Variants in NCKAP5 observed in about 807,000 individuals in gnomAD.
NCKAP5 encodes the protein nck-associated protein 5.
NCKAP5 carries 92 observed loss-of-function variants against 167.0 expected under a neutral mutation model. The ratio of observed to expected loss-of-function variants is 0.55; its 90% confidence interval spans 0.47 to 0.66. NCKAP5 has a LOEUF of 0.66. Ranked by LOEUF, NCKAP5 falls within the 30% of genes least tolerant of loss-of-function variation. NCKAP5 has a pLI of 0.00. For synonymous variants in NCKAP5, 891 were observed against 877.4 expected, an observed-to-expected ratio of 1.02 and a Z score of -0.27; for missense variants, 2,378 against 2,315.0, an observed-to-expected ratio of 1.03 and a Z score of -0.56.
chr2:132,793,035 A>G (rs1439187737), intron 12 of NCKAP5, among the ~76,000 whole-genome samples: 1 of 151,760 alleles, frequency 6.6e-6, no homozygotes, highest in East Asian at 1.9e-4. Flanking sequence ...ACGGAGTTTC[A>G]CTCTTGTTGC....
intron 5 of NCKAP5, among the ~76,000 whole-genome samples, chr2:133,161,625 G>T (rs562183309): frequency 6.6e-6 from 1 of 152,258 alleles, no homozygotes; most frequent in African/African-American, 2.4e-5. Flanking sequence ...TTATGTGTCA[G>T]CAAGATACTT....
chr2:133,132,386 A>G (rs1221893944), intron 5 of NCKAP5, among the ~76,000 whole-genome samples: 2 of 151,902 alleles, frequency 1.3e-5, no homozygotes, highest in African/African-American at 4.8e-5. Flanking sequence ...TGCCATATCA[A>G]AGAGTCCCAA....
At chr2:133,616,159 G>C in the NCKAP5 span, among the ~76,000 whole-genome samples, 1 of 151,642 alleles carries the variant, frequency 6.6e-6, no homozygotes, top group African/African-American at 2.4e-5. Context: ...GCAGTGTGTA[G>C]AGGGAAATTT....
chr2:133,638,033 G>A, the NCKAP5 span, among the ~76,000 whole-genome samples: 2 of 152,074 alleles, frequency 1.3e-5, no homozygotes, highest in East Asian at 1.9e-4. Flanking sequence ...TTAAGATTCC[G>A]ATGATAGCAG....
intron 4 of NCKAP5, among the ~76,000 whole-genome samples, chr2:133,290,256 AAC>A (rs1679479528): frequency 1.3e-5 from 2 of 152,214 alleles, no homozygotes; most frequent in Admixed American, 6.5e-5. Context: ...TGGAAAAAAA[AAC>A]ACACAATATT....
chr2:133,188,714 T>C (rs2085066559), intron 5 of NCKAP5, among the ~76,000 whole-genome samples: 1 of 151,998 alleles, frequency 6.6e-6, no homozygotes, highest in Non-Finnish European at 1.5e-5. Context: ...AAGGCAGAAA[T>C]AAAGGTGTTC....
intron 4 of NCKAP5, among the ~76,000 whole-genome samples, chr2:133,278,616 A>G (rs2089823694): frequency 6.6e-6 from 1 of 152,128 alleles, no homozygotes; most frequent in Non-Finnish European, 1.5e-5. Flanking sequence ...AAGCATTCTG[A>G]TATGTATTTT....
rs1482032233 is a variant in NCKAP5, at chr2:132,671,970, AG to A, written c.*1318del. 4.6e-5 allele frequency: 7 copies of A among 152,808 alleles called. 1 individual carries two copies. The East Asian group carries it at 1.3e-3, about 29-fold the overall frequency. 9.5% of individuals were successfully genotyped at this position (152,808 alleles called of 1,614,324 possible). On this transcript the variant is annotated 3_prime_UTR_variant, in exon 20 of 20. Coordinates refer to ENST00000409261, the MANE Select transcript of NCKAP5 (RefSeq NM_207363.3). ...CTTTAAAGAAACAATTATGTGCTAA[AG>A]TAGCCATATAGATCCTAAAAATATT...
At chr2:133,258,742 T>C (rs2088754501) in intron 4 of NCKAP5, among the ~76,000 whole-genome samples, 1 of 147,894 alleles carries the variant, frequency 6.8e-6, no homozygotes, top group Admixed American at 6.7e-5. Context: ...CAAGATCCTG[T>C]CTCAATTAAA....
At chr2:132,860,646 T>C (rs778507259) in intron 10 of NCKAP5, 35 bp from the exon 11 acceptor site, 38 of 1,549,778 alleles carry the variant, frequency 2.5e-5, no homozygotes, top group Non-Finnish European at 3.1e-5. Flanking sequence ...AAAAAGTCCA[T>C]AACTGAAAGA....
intron 3 of NCKAP5, among the ~76,000 whole-genome samples, chr2:133,462,547 T>C (rs1264614909): frequency 6.6e-6 from 1 of 152,170 alleles, no homozygotes; most frequent in African/African-American, 2.4e-5. Context: ...AATATACTTT[T>C]ATAAGACAAT....
At chr2:133,053,020 CAT>C (rs1281094000) in intron 6 of NCKAP5, among the ~76,000 whole-genome samples, 2 of 152,004 alleles carry the variant, frequency 1.3e-5, no homozygotes, top group Non-Finnish European at 2.9e-5. Context: ...AGATAAAAAA[CAT>C]AGAAAAGTGG....
intron 5 of NCKAP5, among the ~76,000 whole-genome samples, chr2:133,132,286 C>CAA (rs67605472): frequency 0.15 from 19,612 of 130,926 alleles, 1,623 homozygotes; most frequent in East Asian, 0.39. Flanking sequence ...GACTCCATCT[C>CAA]AAAAAAAAAA....
chr2:132,947,191 T>C (rs933752505), intron 8 of NCKAP5, among the ~76,000 whole-genome samples: 7 of 152,202 alleles, frequency 4.6e-5, no homozygotes, highest in Non-Finnish European at 2.9e-5. Context: ...ATAAGAACGA[T>C]AAACTTTCAG....
At chr2:132,721,403 C>T (rs1689915050) in intron 19 of NCKAP5, among the ~76,000 whole-genome samples, 1 of 152,126 alleles carries the variant, frequency 6.6e-6, no homozygotes, top group African/African-American at 2.4e-5. Flanking sequence ...TCCAATAAGG[C>T]TTCACGATCT....
chr2:132,822,060 G>C (rs1157889276), intron 11 of NCKAP5, among the ~76,000 whole-genome samples: 1 of 152,184 alleles, frequency 6.6e-6, no homozygotes, highest in Non-Finnish European at 1.5e-5. Context: ...CATCTTGGCT[G>C]CTGCTCTCTT....
chr2:133,218,390 T>G (rs899676047), intron 4 of NCKAP5, among the ~76,000 whole-genome samples: 2 of 152,178 alleles, frequency 1.3e-5, no homozygotes, highest in African/African-American at 4.8e-5. Flanking sequence ...ATTTAATCTG[T>G]TATGACAGAA....
At position 133,005,346 on chromosome 2, in the gene NCKAP5, C is replaced by G. The variant is rs540878059; in HGVS notation, c.342-11107G>C. Among the ~76,000 whole-genome samples, 3 of 152,266 alleles carry G rather than the reference C, an allele frequency of 2.0e-5. No homozygotes were observed. In the East Asian group the frequency reaches 5.8e-4, roughly 29 times the overall value. On this transcript the variant is annotated intron_variant, in intron 6 of 19. Coordinates refer to ENST00000409261, the MANE Select transcript of NCKAP5 (RefSeq NM_207363.3). ...TCATGAAATCTTCACAATTTATGTT[C>G]TTCTGCCTCTGCTTCAGCTGGTCCC...
At chr2:132,987,291 T>A (rs947967880) in intron 7 of NCKAP5, among the ~76,000 whole-genome samples, 3 of 152,132 alleles carry the variant, frequency 2.0e-5, no homozygotes, top group Admixed American at 1.3e-4. Context: ...GCCACCTCTG[T>A]TAAGAATTAT....
Sources: gnomAD v4.1 joint callset for allele counts (sites outside exome capture counted in the v4.1 genomes callset) on GRCh38, gnomAD v4.1.1 for gene constraint, MANE v1.5 for transcripts, NCBI Gene and HGNC (gene_info 2026-07-23, HGNC 2026-07-21) for gene names.